SPTBN2: variants seen among roughly 807,000 people sequenced by gnomAD.
The protein encoded by SPTBN2 is spectrin beta, non-erythrocytic 2.
In SPTBN2, 107 loss-of-function variants were observed where a neutral mutation model predicts 284.2. The observed-to-expected ratio is 0.38, with a 90% CI of 0.32 to 0.44. SPTBN2 has a LOEUF of 0.44. SPTBN2 is among the 20% of genes least tolerant of loss of function. The probability of loss-of-function intolerance (pLI) is 1.00; values close to 1 mark genes in which losing one functional copy is unlikely to be tolerated. For synonymous variants in SPTBN2, 1,289 were observed against 1,354.8 expected (o/e 0.95, Z 1.07); for missense variants, 2,569 against 3,287.1 (o/e 0.78, Z 5.34).
At position 66,705,719 on chromosome 11, in the gene SPTBN2, C is replaced by G; in HGVS notation, c.1772G>C (p.Ser591Thr). 1 of 1,612,454 alleles carries G rather than the reference C, an allele frequency of 6.2e-7. No individual in the cohort carries two copies. The highest frequency in any genetic ancestry group is 8.5e-7 in the Non-Finnish European group (1 of 1,179,984). ...AVQAERVRAV[S>T]ASALRFCNPG... ...GTTGCAGAAGCGCAGGGCAGAGGCG[C>G]TGACGGCCCGCACCCTCTCGGCCTG... Residue 591 changes from serine to threonine, a missense_variant, in exon 14 of 38, where the codon AGC (serine) becomes ACC (threonine). Physicochemically the swap from Ser to Thr is moderately conservative, Grantham distance 58. This residue lies in a region of SPTBN2 where 1,012 missense variants were observed against 1,248.9 expected (regional missense o/e 0.81). Coordinates refer to ENST00000533211, the MANE Select transcript of SPTBN2 (RefSeq NM_006946.4).
chr11:66,715,169 CG>C lies in SPTBN2; in HGVS notation c.483+52del. ...GTCATGGGCCAGCAGGAACGGCTTGCGGTGCAGAGCCAGGGCAGGAACCACA... is the reference window on the plus strand; with the variant it reads ...GTCATGGGCCAGCAGGAACGGCTTGCGTGCAGAGCCAGGGCAGGAACCACA... On this transcript the variant is annotated intron_variant, in intron 5 of 37. Coordinates refer to ENST00000533211, the MANE Select transcript of SPTBN2 (RefSeq NM_006946.4). This position sits in a 1 kb window ranked among gnomAD's most constrained non-coding sequence, Gnocchi z 5.3. 2 of 1,598,460 alleles carry C rather than the reference CG, an allele frequency of 1.3e-6. No homozygotes were observed. Among genetic ancestry groups the C allele is most frequent in the South Asian group, 2.2e-5 (2 of 90,688 alleles).
In SPTBN2 at chr11:66,698,940, A is replaced by C. The variant is rs1450913781; in HGVS notation, c.3867+52T>G. On this transcript the variant is annotated intron_variant, in intron 19 of 37. Transcript: ENST00000533211. ...CTTGTGCTGGACTTATTCTAGGCTC[A>C]AGGTGAGAAAGGGATGGCTAGGGAA... 13 of 1,609,676 alleles carry C rather than the reference A, an allele frequency of 8.1e-6. No homozygotes were observed. The Admixed American group carries it at 2.2e-4, about 27-fold the overall frequency.
intron 29 of SPTBN2, 106 bp downstream of exon 29, chr11:66,689,699 G>C (rs1407779061): frequency 2.8e-5 from 44 of 1,544,704 alleles, no homozygotes; most frequent in Non-Finnish European, 3.6e-5. Flanking sequence ...GGGAGAGAAT[G>C]AAAGGTTTCT....
chr11:66,706,683 G>A (rs939308197), intron 13 of SPTBN2, among the ~76,000 whole-genome samples: 1 of 150,348 alleles, frequency 6.7e-6, no homozygotes, highest in Non-Finnish European at 1.5e-5. Flanking sequence ...AGGCTGGAGT[G>A]CAGTGGTGCA....
chr11:66,743,086 C>A (rs1942910449), intron 1 of SPTBN2, among the ~76,000 whole-genome samples: 1 of 150,880 alleles, frequency 6.6e-6, no homozygotes, highest in South Asian at 2.1e-4. Flanking sequence ...CCCTTGGCAA[C>A]TCCTCTTCTG....
chr11:66,687,360 C>T lies in SPTBN2; in HGVS notation c.6722+67G>A. On this transcript the variant is annotated intron_variant, in intron 35 of 37. Transcript: ENST00000533211. This position sits in a 1 kb window ranked among gnomAD's most constrained non-coding sequence, Gnocchi z 5.2. Reference sequence around the variant, plus strand: ...CAGAAGATGTACTCTAAAGGGCATCCCTCCCTCTATCTGGGCAGAGGCTCT... The same window carrying T: ...CAGAAGATGTACTCTAAAGGGCATCTCTCCCTCTATCTGGGCAGAGGCTCT... 3.8e-6 allele frequency: 6 copies of T among 1,577,934 alleles called. No individual in the cohort carries two copies. The highest frequency in any genetic ancestry group is 5.2e-6 in the Non-Finnish European group (6 of 1,159,850).
chr11:66,711,120 C>T (rs1941838628), intron 8 of SPTBN2, 91 bp from the exon 9 acceptor site: 3 of 976,910 alleles, frequency 3.1e-6, no homozygotes, highest in Admixed American at 1.8e-5. Context: ...CCCAGTCCTC[C>T]AAGGCTGACA....
intron 1 of SPTBN2, chr11:66,728,221 T>G (rs1942700966): frequency 1.4e-5 from 2 of 142,940 alleles, no homozygotes; most frequent in African/African-American, 2.5e-5. Flanking sequence ...CACCGGTAGT[T>G]GCCGCGCCTG....
intron 26 of SPTBN2, among the ~76,000 whole-genome samples, chr11:66,692,247 AT>A (rs1389972763): frequency 4.0e-5 from 6 of 151,758 alleles, no homozygotes; most frequent in Admixed American, 3.3e-4. Flanking sequence ...ATAAAAAAAA[AT>A]TTTTTTTGTA....
chr11:66,724,051 C>T (rs887127923), intron 1 of SPTBN2, among the ~76,000 whole-genome samples: 1 of 152,198 alleles, frequency 6.6e-6, no homozygotes, highest in East Asian at 1.9e-4. Context: ...TTTCCATGAC[C>T]CCTTACTAGG....
At chr11:66,686,531 G>A in intron 36 of SPTBN2, 91 bp from the exon 37 acceptor site, 1 of 1,427,648 alleles carries the variant, frequency 7.0e-7, no homozygotes, top group Non-Finnish European at 9.9e-7. Context: ...CCAACACCAG[G>A]CTGGGACATC....
intron 31 of SPTBN2, 68 bp from the exon 32 acceptor site, chr11:66,688,379 C>T: frequency 6.5e-7 from 1 of 1,545,744 alleles, no homozygotes; most frequent in Non-Finnish European, 8.7e-7. Context: ...ACAGGGAGAG[C>T]TGAAATGTCT....
intron 1 of SPTBN2, among the ~76,000 whole-genome samples, chr11:66,743,686 G>C (rs1185433759): frequency 2.6e-5 from 4 of 152,186 alleles, no homozygotes; most frequent in Admixed American, 2.0e-4. Flanking sequence ...TCTCCTGTCA[G>C]CCAGAGCCCA....
At position 66,688,856 on chromosome 11, in the gene SPTBN2, G is replaced by C. The variant is rs1404469417; in HGVS notation, c.6035-7C>G. On this transcript the variant is annotated splice_region_variant and splice_polypyrimidine_tract_variant and intron_variant, in intron 30 of 37. Coordinates refer to ENST00000533211, the MANE Select transcript of SPTBN2 (RefSeq NM_006946.4). ...AACACAAGCACCTCCAAAACTGGCA[G>C]GATCGGGGGTTGCAGGAAGATGGTG... The C allele has an allele frequency of 6.2e-7, 1 of 1,611,172 alleles. No individual in the cohort carries two copies. Among genetic ancestry groups the C allele is most frequent in the Non-Finnish European group, 8.5e-7 (1 of 1,180,008 alleles).
At chr11:66,716,935 C>A (rs1735958029) in intron 3 of SPTBN2, among the ~76,000 whole-genome samples, 2 of 152,184 alleles carry the variant, frequency 1.3e-5, no homozygotes, top group Non-Finnish European at 2.9e-5. Flanking sequence ...AGGCTGCAGG[C>A]CTCCTGAGTC....
In SPTBN2 at chr11:66,708,133, A is replaced by G. The variant is rs373065118; in HGVS notation, c.1350+8T>C. 7.4e-5 allele frequency: 119 copies of G among 1,613,004 alleles called. No individual in the cohort carries two copies. Among genetic ancestry groups the G allele is most frequent in the Non-Finnish European group, 9.8e-5 (116 of 1,179,900 alleles). ...CAGCCTAAGCATCCTAGGAGCCTCAAGTCCTACCTGGGACACGAGGCGCTG... is the reference window on the plus strand; with the variant it reads ...CAGCCTAAGCATCCTAGGAGCCTCAGGTCCTACCTGGGACACGAGGCGCTG... On this transcript the variant is annotated splice_region_variant and intron_variant, in intron 12 of 37. Coordinates refer to ENST00000533211, the MANE Select transcript of SPTBN2 (RefSeq NM_006946.4). This position sits in a 1 kb window ranked among gnomAD's most constrained non-coding sequence, Gnocchi z 4.4.
In SPTBN2 at chr11:66,715,504, C is replaced by A; in HGVS notation, c.310-109G>T. 7.3e-7 allele frequency: 1 copy of A among 1,376,348 alleles called. No homozygotes were observed. Among genetic ancestry groups the A allele is most frequent in the Non-Finnish European group, 9.9e-7 (1 of 1,013,828 alleles). The allele number at this position is 1,376,348 out of a possible 1,614,324, so 85.3% of individuals were successfully genotyped here. A position where few individuals can be genotyped will look rare whatever the true frequency, so the allele number is the denominator to read the frequency against. Reference sequence around the variant, plus strand: ...CCTTCCCCATGACCTACCTCAGGAACACAGACAGGCACAGCCCCAGGGCTG... The same window carrying A: ...CCTTCCCCATGACCTACCTCAGGAAAACAGACAGGCACAGCCCCAGGGCTG... On this transcript the variant is annotated intron_variant, in intron 4 of 37. Transcript: ENST00000533211. This position sits in a 1 kb window ranked among gnomAD's most constrained non-coding sequence, Gnocchi z 5.3.
In SPTBN2 at chr11:66,700,203, C is replaced by T. The variant is rs1368326023; in HGVS notation, c.3573+323G>A. 6.6e-6 allele frequency among the ~76,000 whole-genome samples: 1 copy of T among 152,104 alleles called. No individual in the cohort carries two copies. The highest frequency in any genetic ancestry group is 2.4e-5 in the African/African-American group (1 of 41,402). ...CTCCTGAGCTCAAGTTATTCTCCTG[C>T]CTCGGCCTCCCAAAATACTGGGAGT... On this transcript the variant is annotated intron_variant, in intron 17 of 37. Transcript: ENST00000533211. This position sits in a 1 kb window ranked among gnomAD's most constrained non-coding sequence, Gnocchi z 6.6.
At chr11:66,734,301 T>C (rs1942837855) in intron 1 of SPTBN2, among the ~76,000 whole-genome samples, 1 of 152,176 alleles carries the variant, frequency 6.6e-6, no homozygotes, top group Admixed American at 6.5e-5. Context: ...GTAGTCTCTT[T>C]AATACATCAG....
Sources: allele counts gnomAD v4.1 joint callset (sites outside exome capture counted in the v4.1 genomes callset), GRCh38; gene constraint gnomAD v4.1.1; regional missense constraint gnomAD v4.1.1; non-coding constraint Gnocchi (gnomAD v3.1); transcripts MANE v1.5; gene names NCBI Gene and HGNC (gene_info 2026-07-23, HGNC 2026-07-21).